PGD: variants seen among roughly 807,000 people sequenced by gnomAD.
The protein encoded by PGD is 6-phosphogluconate dehydrogenase, decarboxylating.
PGD carries 21 observed loss-of-function variants against 60.4 expected under a neutral mutation model. That is an observed-to-expected ratio of 0.35 (90% CI 0.25 to 0.50). The LOEUF is 0.50. Among genes scored for constraint, PGD ranks in the 20% least tolerant of loss-of-function variants. PGD has a pLI of 0.98. For synonymous variants in PGD, 230 were observed against 235.9 expected (o/e 0.97, Z 0.23); for missense variants, 477 against 613.1 (o/e 0.78, Z 2.34).
At chr1:10,412,817 GAGCCCTTGCCTC>G in intron 7 of PGD, 1 of 424,514 alleles carries the variant, frequency 2.4e-6, no homozygotes, top group Non-Finnish European at 4.4e-6. Context: ...GTGAAGTGAG[GAGCCCTTGCCTC>G]TGAGGAGACA....
intron 7 of PGD, among the ~76,000 whole-genome samples, chr1:10,412,653 A>C (rs970609973): frequency 5.9e-5 from 9 of 152,240 alleles, no homozygotes; most frequent in African/African-American, 2.2e-4. Flanking sequence ...TGAAGAAAGC[A>C]AAGTGCCTGC....
chr1:10,405,370 AAAAACAAAAC>A (rs752421024), intron 5 of PGD, among the ~76,000 whole-genome samples: 3 of 148,936 alleles, frequency 2.0e-5, no homozygotes, highest in African/African-American at 4.9e-5. Context: ...AGTTTGTTTC[AAAAACAAAAC>A]AAAACAAAAC....
intron 8 of PGD, 67 bp downstream of exon 8, chr1:10,413,318 T>A: frequency 7.2e-7 from 1 of 1,385,948 alleles, no homozygotes; most frequent in Non-Finnish European, 1.0e-6. Flanking sequence ...GGAGGACAGA[T>A]ACAGACTGGT....
intron 8 of PGD, among the ~76,000 whole-genome samples, chr1:10,413,892 G>A (rs1298036159): frequency 7.2e-6 from 1 of 139,346 alleles, no homozygotes; most frequent in African/African-American, 3.3e-5. Context: ...GTGACAGAGC[G>A]AGACTTCGTC....
intron 8 of PGD, among the ~76,000 whole-genome samples, chr1:10,414,954 A>G (rs12746471): frequency 0.61 from 92,491 of 151,040 alleles, 30,708 homozygotes; most frequent in African/African-American, 0.89. Flanking sequence ...AGCCAGGCAT[A>G]GTGACCCGTG....
intron 6 of PGD, among the ~76,000 whole-genome samples, chr1:10,409,354 G>C (rs1639458523): frequency 6.6e-6 from 1 of 152,126 alleles, no homozygotes; most frequent in Non-Finnish European, 1.5e-5. Context: ...TCTGCTTAGG[G>C]TAGAAAGAGG....
intron 3 of PGD, among the ~76,000 whole-genome samples, chr1:10,401,931 C>T (rs780345236): frequency 6.6e-6 from 1 of 152,004 alleles, no homozygotes; most frequent in Non-Finnish European, 1.5e-5. Context: ...AGGAGAGTGG[C>T]GTGAACCCGG....
At chr1:10,416,853 C>G (rs1245229102) in intron 8 of PGD, 134 bp from the exon 9 acceptor site, 1 of 703,038 alleles carries the variant, frequency 1.4e-6, no homozygotes, top group African/African-American at 1.8e-5. Context: ...CAGCCATTTT[C>G]ACTTCTTTTG....
chr1:10,413,440 T>C (rs1639540886), intron 8 of PGD, among the ~76,000 whole-genome samples, 189 bp downstream of exon 8: 1 of 152,226 alleles, frequency 6.6e-6, no homozygotes, highest in African/African-American at 2.4e-5. Flanking sequence ...ATTCTCTTCC[T>C]TGTAGTTCTT....
At chr1:10,409,031 G>A (rs1485681354) in intron 6 of PGD, among the ~76,000 whole-genome samples, 3 of 152,194 alleles carry the variant, frequency 2.0e-5, no homozygotes, top group Non-Finnish European at 4.4e-5. Flanking sequence ...ACTTAACTGT[G>A]ACATCAGGCA....
intron 6 of PGD, among the ~76,000 whole-genome samples, chr1:10,409,866 A>C (rs1356379929): frequency 6.6e-6 from 1 of 151,840 alleles, no homozygotes; most frequent in Non-Finnish European, 1.5e-5. Flanking sequence ...ATGTTGCCCA[A>C]GCTGGTCTTA....
chr1:10,405,423 C>CACACACACACACACAT (rs1261409982), intron 5 of PGD, among the ~76,000 whole-genome samples: 1 of 150,392 alleles, frequency 6.6e-6, no homozygotes, highest in African/African-American at 2.4e-5. Flanking sequence ...CACACACACA[C>CACACACACACACACAT]ACATATATAT....
In PGD at chr1:10,419,681, G is replaced by A. The variant is rs1336549179; in HGVS notation, c.1384G>A (p.Gly462Arg). The A allele has an allele frequency of 1.2e-6, 2 of 1,614,084 alleles. No individual in the cohort carries two copies. The highest frequency in any genetic ancestry group is 2.2e-5 in the East Asian group (1 of 44,894). Residue 462 changes from glycine (G) to arginine (R), a missense_variant, in exon 13 of 13, where the codon GGG becomes AGG. By Grantham distance (125) the Gly-to-Arg change is moderately radical. This residue lies in a region of PGD where 44 missense variants were observed against 40.3 expected (regional missense o/e 1.09). Coordinates refer to ENST00000270776, the MANE Select transcript of PGD (RefSeq NM_002631.4). ...CACCTATGAACTCTTGGCCAAACCA[G>A]GGCAGTTTATCCACACCAACTGGAC... ...AHTYELLAKP[G>R]QFIHTNWTGH...
At chr1:10,405,349 G>A (rs886778487) in intron 5 of PGD, among the ~76,000 whole-genome samples, 6 of 151,524 alleles carry the variant, frequency 4.0e-5, no homozygotes, top group Admixed American at 2.6e-4. Context: ...TCACCCTGGC[G>A]ACAGAGTGAG....
At chr1:10,407,671 G>GGT (rs1639430061) in intron 5 of PGD, among the ~76,000 whole-genome samples, 1 of 152,062 alleles carries the variant, frequency 6.6e-6, no homozygotes, top group African/African-American at 2.4e-5. Flanking sequence ...GGCCCAGTGC[G>GGT]GTGGTGGCTT....
chr1:10,413,286 C>T (rs1230122826), intron 8 of PGD, 35 bp downstream of exon 8: 7 of 1,570,838 alleles, frequency 4.5e-6, no homozygotes, highest in East Asian at 2.2e-5. Context: ...CCCTTTCGTC[C>T]ACTATTCTGA....
At chr1:10,403,468 G>A (rs1429825191) in intron 4 of PGD, among the ~76,000 whole-genome samples, 1 of 151,890 alleles carries the variant, frequency 6.6e-6, no homozygotes, top group Non-Finnish European at 1.5e-5. Flanking sequence ...GCATGCGCCT[G>A]TAGTCCCAGC....
At chr1:10,399,489 C>A in intron 1 of PGD, 140 bp from the exon 2 acceptor site, 1 of 772,054 alleles carries the variant, frequency 1.3e-6, no homozygotes, top group South Asian at 1.7e-5. Flanking sequence ...GCGTGCGCGC[C>A]CGGCTTCTGG....
rs1342775986 is a variant in PGD at position 10,399,258 on chromosome 1, C to T, written c.8+133C>T. The stretch of plus-strand genomic sequence containing the variant: ...CTGAGCTCACTTGGGGCTCTGTGAC[C>T]CTGGCCCTACGGCGTCTCGGGCCCA... On this transcript the variant is annotated intron_variant, in intron 1 of 12. Coordinates refer to ENST00000270776, the MANE Select transcript of PGD (RefSeq NM_002631.4). The T allele has an allele frequency of 7.6e-6, 8 of 1,049,644 alleles. No individual in the cohort carries two copies. The East Asian group carries it at 8.0e-5, about 10-fold the overall frequency. The allele number at this position is 1,049,644 out of a possible 1,614,324, so 65.0% of individuals were successfully genotyped here. A position where few individuals can be genotyped will look rare whatever the true frequency, so the allele number is the denominator to read the frequency against.
Sources: gnomAD v4.1 joint callset for allele counts (sites outside exome capture counted in the v4.1 genomes callset) on GRCh38, gnomAD v4.1.1 for gene constraint, gnomAD v4.1.1 regional missense constraint, MANE v1.5 for transcripts, NCBI Gene and HGNC (gene_info 2026-07-23, HGNC 2026-07-21) for gene names.